TPTE: variants seen among roughly 807,000 people sequenced by gnomAD.
TPTE encodes the protein putative tyrosine-protein phosphatase TPTE.
Under a neutral mutation model 84.1 loss-of-function variants are expected in TPTE, and 59 were observed. The observed-to-expected ratio is 0.70, with a 90% CI of 0.57 to 0.87. The LOEUF is 0.87. Ranked by LOEUF, TPTE falls within the 40% of genes least tolerant of loss-of-function variation. The pLI is 0.00. For missense variants in TPTE, 382 were observed against 659.6 expected (o/e 0.58, Z 4.61); for synonymous variants, 130 against 223.5 (o/e 0.58, Z 3.73).
chr21:10,542,173 C>T lies in TPTE; in HGVS notation c.66-222C>T, dbSNP rs536287481. ...TCATAATAAAGAGGTTTACTTAAAT[C>T]GGGAAGCATTACTATTTTCCCCCGC... On this transcript the variant is annotated intron_variant, in intron 5 of 23. Transcript: ENST00000618007. 2.2e-4 allele frequency among the ~76,000 whole-genome samples: 33 copies of T among 152,398 alleles called. No individual in the cohort carries two copies. The East Asian group carries it at 4.4e-3, about 21-fold the overall frequency.
At chr21:10,601,714 A>G (rs1978541171) in intron 21 of TPTE, among the ~76,000 whole-genome samples, 1 of 152,290 alleles carries the variant, frequency 6.6e-6, no homozygotes, top group Non-Finnish European at 1.5e-5. Context: ...TTAGCTGGGT[A>G]TGATGGCATG....
intron 7 of TPTE, among the ~76,000 whole-genome samples, chr21:10,545,487 A>C (rs762930468): frequency 3.3e-5 from 5 of 152,420 alleles, no homozygotes; most frequent in Admixed American, 6.5e-5. Context: ...TGAAGTGTAC[A>C]TTTTTAATCG....
intron 10 of TPTE, among the ~76,000 whole-genome samples, chr21:10,562,909 T>G (rs536440708): frequency 1.2e-4 from 18 of 152,404 alleles, no homozygotes; most frequent in African/African-American, 4.1e-4. Context: ...AAGAAAGTTA[T>G]AAAACACCAA....
At chr21:10,603,655 T>G (rs1978889810) in intron 23 of TPTE, 23 bp downstream of exon 23, 1 of 1,607,188 alleles carries the variant, frequency 6.2e-7, no homozygotes, top group Admixed American at 1.7e-5. Context: ...TAGAAACCCA[T>G]AGAAACAGCC....
rs745874858 is a variant in TPTE at position 10,605,458 on chromosome 21, A to T, written c.1562A>T (p.Gln521Leu). The stretch of plus-strand genomic sequence containing the variant: ...AATGAATTGGATAATCTACATAAAC[A>T]AAAAGCACGGAGAATTTATCCATCA... ...PKNELDNLHKQKARRIYPSDF... is the reference protein window; with the variant it reads ...PKNELDNLHKLKARRIYPSDF... The change falls in exon 24 of 24, where the codon CAA becomes CTA. Residue 521 changes from glutamine to leucine, a missense_variant. Coordinates refer to ENST00000618007, the MANE Select transcript of TPTE (RefSeq NM_199261.4). 1.2e-6 allele frequency: 2 copies of T among 1,614,134 alleles called. No homozygotes were observed. Among genetic ancestry groups the T allele is most frequent in the South Asian group, 1.1e-5 (1 of 91,086 alleles).
intron 14 of TPTE, among the ~76,000 whole-genome samples, chr21:10,571,145 C>T (rs1475979599): frequency 2.8e-4 from 42 of 152,290 alleles, no homozygotes; most frequent in Admixed American, 2.6e-3. Flanking sequence ...ATGCCTAAGG[C>T]CTGAGAACTA....
intron 21 of TPTE, 37 bp downstream of exon 21, chr21:10,598,131 T>C: frequency 1.2e-6 from 2 of 1,611,366 alleles, no homozygotes; most frequent in Non-Finnish European, 1.7e-6. Context: ...AATCTGATGT[T>C]TGTTTTAAGG....
intron 19 of TPTE, 122 bp from the exon 20 acceptor site, chr21:10,595,860 A>G (rs1568777443): frequency 4.7e-6 from 6 of 1,281,268 alleles, no homozygotes; most frequent in Non-Finnish European, 6.6e-6. Context: ...ATATTATGGC[A>G]TCCAGTAAAT....
At chr21:10,539,947 T>C (rs2074337320) in intron 4 of TPTE, among the ~76,000 whole-genome samples, 1 of 152,300 alleles carries the variant, frequency 6.6e-6, no homozygotes, top group South Asian at 2.1e-4. Flanking sequence ...AGGCAGAGGT[T>C]GCAGTGAGCC....
At chr21:10,536,584 G>A (rs2074270444) in intron 3 of TPTE, among the ~76,000 whole-genome samples, 1 of 152,304 alleles carries the variant, frequency 6.6e-6, no homozygotes, top group Non-Finnish European at 1.5e-5. Flanking sequence ...AGAGAGAAAG[G>A]GAGAGAAAGA....
At chr21:10,541,986 T>G (rs1327120949) in intron 5 of TPTE, among the ~76,000 whole-genome samples, 1 of 152,310 alleles carries the variant, frequency 6.6e-6, no homozygotes, top group African/African-American at 2.4e-5. Context: ...CCTGACCCTT[T>G]TTGTGGGACA....
intron 17 of TPTE, among the ~76,000 whole-genome samples, chr21:10,587,033 G>T (rs1304306259): frequency 1.3e-5 from 2 of 152,298 alleles, no homozygotes; most frequent in Non-Finnish European, 2.9e-5. Flanking sequence ...AGTCACAGGT[G>T]CAGGCTGAAT....
chr21:10,549,238 T>G (rs1328239474), intron 7 of TPTE, among the ~76,000 whole-genome samples: 6 of 152,298 alleles, frequency 3.9e-5, no homozygotes, highest in Non-Finnish European at 7.3e-5. Flanking sequence ...TCATACAATT[T>G]TACTCCATAA....
At chr21:10,528,384 T>C (rs1218837037) in intron 3 of TPTE, among the ~76,000 whole-genome samples, 1 of 152,306 alleles carries the variant, frequency 6.6e-6, no homozygotes, top group African/African-American at 2.4e-5. Context: ...GAATTATTCA[T>C]GGGAAAATAG....
chr21:10,555,147 T>G (rs2074656941), intron 8 of TPTE, among the ~76,000 whole-genome samples: 1 of 152,312 alleles, frequency 6.6e-6, no homozygotes, highest in East Asian at 1.9e-4. Context: ...TTTCTGCTTT[T>G]AATTCAACTT....
chr21:10,528,631 T>C (rs1031324074), intron 3 of TPTE, among the ~76,000 whole-genome samples: 1 of 152,312 alleles, frequency 6.6e-6, no homozygotes, highest in African/African-American at 2.4e-5. Flanking sequence ...ATTGGTACTT[T>C]TATAACTGAT....
chr21:10,605,708 TAGATAAA>T lies in TPTE; in HGVS notation c.*158_*164del. ...TCTTCATAAATCTATTACATATATATAGATAAAATGTCAGTGTCTTTCTTCTTTTTTG... is the reference window on the plus strand; with the variant it reads ...TCTTCATAAATCTATTACATATATATATGTCAGTGTCTTTCTTCTTTTTTG... On this transcript the variant is annotated 3_prime_UTR_variant, in exon 24 of 24. Coordinates refer to ENST00000618007, the MANE Select transcript of TPTE (RefSeq NM_199261.4). 1 of 1,327,276 alleles carries T rather than the reference TAGATAAA, an allele frequency of 7.5e-7. No individual in the cohort carries two copies. Among genetic ancestry groups the T allele is most frequent in the South Asian group, 1.7e-5 (1 of 57,660 alleles). The allele number at this position is 1,327,276 out of a possible 1,614,324, so 82.2% of individuals were successfully genotyped here.
intron 17 of TPTE, among the ~76,000 whole-genome samples, chr21:10,589,945 A>T: frequency 6.6e-6 from 1 of 152,312 alleles, no homozygotes; most frequent in Admixed American, 6.5e-5. Context: ...TCTTGGAAAA[A>T]ACATCCTTGC....
chr21:10,542,555 C>G, intron 6 of TPTE, 107 bp downstream of exon 6: 1 of 1,373,958 alleles, frequency 7.3e-7, no homozygotes, highest in Admixed American at 2.0e-5. Context: ...ATCCATCCAT[C>G]CATCCATTCA....
Sources: gnomAD v4.1 joint callset for allele counts (sites outside exome capture counted in the v4.1 genomes callset) on GRCh38, gnomAD v4.1.1 for gene constraint, MANE v1.5 for transcripts, NCBI Gene and HGNC (gene_info 2026-07-23, HGNC 2026-07-21) for gene names.